The following NOVA1 variants were observed in gnomAD, a reference collection of about 807,000 sequenced individuals.
NOVA1 encodes NOVA alternative splicing regulator 1.
Under a neutral mutation model 38.0 loss-of-function variants are expected in NOVA1, and 7 were observed. The observed-to-expected ratio is 0.18, with a 90% confidence interval of 0.10 to 0.35. NOVA1 has a LOEUF of 0.35. Among genes scored for constraint, NOVA1 ranks in the 10% least tolerant of loss-of-function variants. NOVA1 has a pLI of 1.00. For synonymous variants in NOVA1, 270 were observed against 232.5 expected (o/e 1.16, Z -1.47); for missense variants, 460 against 616.0 (o/e 0.75, Z 2.68).
intron 2 of NOVA1, among the ~76,000 whole-genome samples, chr14:26,567,175 A>G (rs1892183402): frequency 6.6e-6 from 1 of 152,168 alleles, no homozygotes; most frequent in African/African-American, 2.4e-5. Context: ...TTTAAATCCT[A>G]TAAAAATAAT....
At chr14:26,492,808 C>CATT (rs76197539) in intron 2 of NOVA1, among the ~76,000 whole-genome samples, 142,132 of 151,886 alleles carry the variant, frequency 0.94, 67,194 homozygotes, top group East Asian at 1. Context: ...CTCTACTAAA[C>CATT]ATAAAAATTA....
intron 3 of NOVA1, among the ~76,000 whole-genome samples, chr14:26,473,058 CATA>C (rs1259455023): frequency 1.3e-5 from 2 of 151,694 alleles, no homozygotes; most frequent in Non-Finnish European, 2.9e-5. Context: ...AACAAATCAT[CATA>C]ATATTTTTAT....
At chr14:26,549,895 G>C in intron 2 of NOVA1, 1 of 331,194 alleles carries the variant, frequency 3.0e-6, no homozygotes, top group Non-Finnish European at 6.1e-6. Context: ...AAGTACTATA[G>C]AAAATGAAAA....
intron 2 of NOVA1, among the ~76,000 whole-genome samples, chr14:26,545,938 T>A (rs1890762430): frequency 6.6e-6 from 1 of 152,128 alleles, no homozygotes; most frequent in Non-Finnish European, 1.5e-5. Context: ...ATGAGGTTTC[T>A]GGCATCAGTA....
At chr14:26,579,183 G>T (rs754334320) in intron 2 of NOVA1, among the ~76,000 whole-genome samples, 3 of 145,832 alleles carry the variant, frequency 2.1e-5, no homozygotes, top group Admixed American at 7.2e-5. Context: ...TCAGCCTCCC[G>T]AGTAGGTGGG....
Position 26,584,905 on chromosome 14 carries a change from T to C in NOVA1, c.280+10505A>G, listed in dbSNP as rs116362313. Among the ~76,000 whole-genome samples the C allele has an allele frequency of 6.0e-3, 911 of 151,538 alleles. 15 individuals are homozygous for C. Among genetic ancestry groups the C allele is most frequent in the African/African-American group, 0.021 (855 of 41,478 alleles). On this transcript the variant is annotated intron_variant, in intron 2 of 4. Coordinates refer to ENST00000539517, the MANE Select transcript of NOVA1 (RefSeq NM_002515.3). ...ATCCATCTAAGATTTTAGGGCATTG[T>C]ATACTTAGTTCTAACCCCAACAAAG...
chr14:26,584,456 T>C (rs1292795578), intron 2 of NOVA1, among the ~76,000 whole-genome samples: 1 of 151,572 alleles, frequency 6.6e-6, no homozygotes, highest in Non-Finnish European at 1.5e-5. Context: ...ACAGCAGATG[T>C]AGATTTAAAA....
intron 2 of NOVA1, among the ~76,000 whole-genome samples, chr14:26,591,956 C>T (rs1893875064): frequency 6.9e-6 from 1 of 145,808 alleles, no homozygotes; most frequent in Admixed American, 6.7e-5. Context: ...TTTATAATGA[C>T]AAATATTAAA....
intron 2 of NOVA1, among the ~76,000 whole-genome samples, chr14:26,567,835 TA>T (rs1892227959): frequency 6.6e-6 from 1 of 152,188 alleles, no homozygotes; most frequent in African/African-American, 2.4e-5. Flanking sequence ...GTTATGCTTT[TA>T]AAAAATAGTT....
At chr14:26,586,911 T>C (rs1049201243) in intron 2 of NOVA1, among the ~76,000 whole-genome samples, 1 of 150,216 alleles carries the variant, frequency 6.7e-6, no homozygotes, top group Non-Finnish European at 1.5e-5. Context: ...CATCTCAGTT[T>C]TTTTTTTTTT....
intron 2 of NOVA1, among the ~76,000 whole-genome samples, chr14:26,545,226 A>G (rs1890717328): frequency 6.6e-6 from 1 of 152,120 alleles, no homozygotes; most frequent in Non-Finnish European, 1.5e-5. Context: ...ATAATTGCTG[A>G]AAAGAATAAA....
intron 2 of NOVA1, among the ~76,000 whole-genome samples, chr14:26,573,454 T>C (rs1594560697): frequency 1.3e-5 from 2 of 152,192 alleles, no homozygotes; most frequent in South Asian, 4.2e-4. Context: ...TTGGTAATTT[T>C]GTATAAAATA....
rs1361457886 is a variant in NOVA1 at position 26,529,430 on chromosome 14, G to A, written c.281-49287C>T. 2.6e-5 allele frequency among the ~76,000 whole-genome samples: 4 copies of A among 152,018 alleles called. No homozygotes were observed. In the East Asian group the frequency reaches 5.8e-4, roughly 22 times the overall value. On this transcript the variant is annotated intron_variant, in intron 2 of 4. Transcript: ENST00000539517. ...TGGGATTACAGGCATGAGTCACCAC[G>A]CCCAGCCGAAGTGGTTATGCCTTTG...
chr14:26,552,112 T>C (rs1001412839), intron 2 of NOVA1, among the ~76,000 whole-genome samples: 4 of 152,114 alleles, frequency 2.6e-5, no homozygotes, highest in Non-Finnish European at 5.9e-5. Flanking sequence ...GAGTGTTTTC[T>C]ACTCTTCTCA....
chr14:26,541,866 T>C (rs1231272176), intron 2 of NOVA1, among the ~76,000 whole-genome samples: 2 of 151,786 alleles, frequency 1.3e-5, no homozygotes, highest in Non-Finnish European at 2.9e-5. Context: ...ATACACAAAA[T>C]GTTATTGCTA....
intron 2 of NOVA1, among the ~76,000 whole-genome samples, chr14:26,587,546 C>CA (rs914543562): frequency 2.0e-5 from 3 of 150,218 alleles, no homozygotes; most frequent in African/African-American, 7.3e-5. Context: ...AACCAAGTTT[C>CA]AAAAAAAATT....
chr14:26,505,225 T>C (rs1887557378), intron 2 of NOVA1, among the ~76,000 whole-genome samples: 2 of 152,194 alleles, frequency 1.3e-5, no homozygotes. Context: ...AAATTGAAGA[T>C]GGCTGATATG....
chr14:26,541,571 C>A (rs1164719241), intron 2 of NOVA1, among the ~76,000 whole-genome samples: 2 of 147,610 alleles, frequency 1.4e-5, no homozygotes, highest in African/African-American at 2.5e-5. Context: ...ATACTAGATG[C>A]ATGCCAAAAA....
At chr14:26,518,902 G>A (rs1888668015) in intron 2 of NOVA1, among the ~76,000 whole-genome samples, 1 of 152,014 alleles carries the variant, frequency 6.6e-6, no homozygotes. Context: ...GATTTTTCAT[G>A]TGTAAAATGT....
Sources: gnomAD v4.1 joint callset for allele counts (sites outside exome capture counted in the v4.1 genomes callset) on GRCh38, gnomAD v4.1.1 for gene constraint, MANE v1.5 for transcripts, NCBI Gene and HGNC (gene_info 2026-07-23, HGNC 2026-07-21) for gene names.